The following CERT1 variants were observed in gnomAD, a reference collection of about 807,000 sequenced individuals.
CERT1 encodes ceramide transporter 1.
A neutral mutation model predicts 87.9 loss-of-function variants in CERT1; 31 were observed. The ratio of observed to expected loss-of-function variants is 0.35; its 90% confidence interval spans 0.27 to 0.48. The LOEUF (loss-of-function observed/expected upper bound fraction) is 0.48. CERT1 is among the 20% of genes least tolerant of loss of function. CERT1 has a pLI of 0.99. For missense variants in CERT1, 487 were observed against 758.0 expected (o/e 0.64, Z 4.20); for synonymous variants, 289 against 250.9 (o/e 1.15, Z -1.44).
In CERT1 at chr5:75,470,467, CACAA is replaced by C. The variant is rs371664295; in HGVS notation, c.232-11290_232-11287del. On this transcript the variant is annotated intron_variant, in intron 2 of 16. Transcript: ENST00000643780. ...ATGCAATGATCCAACAATGGTTCAA[CACAA>C]ACAAATCAATAAATGTGGTACATCA... 2.8e-4 allele frequency among the ~76,000 whole-genome samples: 42 copies of C among 152,176 alleles called. No homozygotes were observed. In the East Asian group the frequency reaches 5.2e-3, roughly 19 times the overall value.
chr5:75,460,396 A>G (rs4512110), intron 2 of CERT1, among the ~76,000 whole-genome samples: 26,516 of 152,188 alleles, frequency 0.17, 3,209 homozygotes, highest in African/African-American at 0.34. Flanking sequence ...TAAGATCTAC[A>G]TGAGCTATCT....
At chr5:75,380,925 C>G in intron 16 of CERT1, 147 bp downstream of exon 16, 1 of 783,996 alleles carries the variant, frequency 1.3e-6, no homozygotes, top group Non-Finnish European at 2.1e-6. Context: ...CAAAGATTCT[C>G]TAGTAATTCT....
chr5:75,501,207 G>A (rs1348722637), intron 2 of CERT1, among the ~76,000 whole-genome samples: 1 of 151,970 alleles, frequency 6.6e-6, no homozygotes, highest in Non-Finnish European at 1.5e-5. Flanking sequence ...ATTTTTCCAA[G>A]ATCTTTCAAC....
At chr5:75,425,296 T>C in intron 5 of CERT1, 65 bp downstream of exon 5, 3 of 1,485,102 alleles carry the variant, frequency 2.0e-6, no homozygotes, top group Admixed American at 1.9e-5. Context: ...CATTACCCTT[T>C]GAGATCAAGA....
intron 12 of CERT1, among the ~76,000 whole-genome samples, chr5:75,388,598 G>GCA (rs1761895930): frequency 1.9e-5 from 1 of 52,454 alleles, no homozygotes; most frequent in Non-Finnish European, 3.9e-5. Context: ...TAGCATGCAT[G>GCA]CATATATATA....
At chr5:75,472,683 A>G (rs1487960766) in intron 2 of CERT1, among the ~76,000 whole-genome samples, 1 of 152,216 alleles carries the variant, frequency 6.6e-6, no homozygotes, top group Non-Finnish European at 1.5e-5. Flanking sequence ...GTCATAAATC[A>G]TCAGGCAAAT....
At chr5:75,494,705 CT>C (rs1766976123) in intron 2 of CERT1, among the ~76,000 whole-genome samples, 1 of 151,998 alleles carries the variant, frequency 6.6e-6, no homozygotes, top group African/African-American at 2.4e-5. Context: ...GCTTCCCTAA[CT>C]GATAGTTTAG....
At chr5:75,474,601 T>TAG (rs1580822526) in intron 2 of CERT1, among the ~76,000 whole-genome samples, 1 of 152,074 alleles carries the variant, frequency 6.6e-6, no homozygotes, top group African/African-American at 2.4e-5. Flanking sequence ...CAGTGGATGA[T>TAG]AGTCTCATGT....
At chr5:75,429,951 T>C (rs1763800007) in intron 3 of CERT1, among the ~76,000 whole-genome samples, 1 of 149,868 alleles carries the variant, frequency 6.7e-6, no homozygotes, top group Non-Finnish European at 1.5e-5. Context: ...GGTACAACAG[T>C]AACAATCTCA....
chr5:75,490,913 T>C (rs758877207), intron 2 of CERT1, among the ~76,000 whole-genome samples: 3 of 152,204 alleles, frequency 2.0e-5, no homozygotes, highest in Admixed American at 6.5e-5. Context: ...ATTTTTCCCC[T>C]GGTTTTCACC....
chr5:75,500,994 GTT>G (rs533662687), intron 2 of CERT1, among the ~76,000 whole-genome samples: 1 of 136,922 alleles, frequency 7.3e-6, no homozygotes. Context: ...TGTTTTTTTT[GTT>G]TTTTTTTTTT....
intron 3 of CERT1, among the ~76,000 whole-genome samples, chr5:75,433,676 A>G (rs1763963939): frequency 1.3e-5 from 2 of 152,098 alleles, no homozygotes; most frequent in South Asian, 4.1e-4. Flanking sequence ...GCATGCCACT[A>G]CACCCAGGTA....
upstream of CERT1, chr5:75,511,919 G>A: frequency 8.3e-7 from 1 of 1,209,144 alleles, no homozygotes; most frequent in Non-Finnish European, 1.2e-6. Flanking sequence ...TAACGGGTGA[G>A]TATCCCGCGC....
intron 2 of CERT1, among the ~76,000 whole-genome samples, chr5:75,477,907 T>TA (rs1766042232): frequency 6.6e-6 from 1 of 152,156 alleles, no homozygotes; most frequent in African/African-American, 2.4e-5. Flanking sequence ...AAAGTTCATT[T>TA]AAAAATACAT....
chr5:75,406,886 G>A (rs945689876), intron 8 of CERT1, among the ~76,000 whole-genome samples: 12 of 152,066 alleles, frequency 7.9e-5, no homozygotes, highest in Non-Finnish European at 1.5e-4. Flanking sequence ...AGATTATAAA[G>A]TAATTTCTGA....
intron 3 of CERT1, among the ~76,000 whole-genome samples, chr5:75,447,595 C>T (rs560514512): frequency 2.6e-5 from 4 of 151,888 alleles, no homozygotes; most frequent in South Asian, 2.1e-4. Context: ...CTCAGCCTCC[C>T]GAGTAGCTGG....
At chr5:75,414,685 C>G (rs1204187983) in intron 7 of CERT1, among the ~76,000 whole-genome samples, 1 of 152,064 alleles carries the variant, frequency 6.6e-6, no homozygotes, top group South Asian at 2.1e-4. Flanking sequence ...ATCATCACTA[C>G]AAAATAGTAT....
chr5:75,447,595 C>A (rs560514512), intron 3 of CERT1, among the ~76,000 whole-genome samples: 1 of 151,770 alleles, frequency 6.6e-6, no homozygotes, highest in Non-Finnish European at 1.5e-5. Flanking sequence ...CTCAGCCTCC[C>A]GAGTAGCTGG....
At position 75,378,234 on chromosome 5, in the gene CERT1, A is replaced by G. The variant is rs950289361; in HGVS notation, c.*1112T>C. The G allele has an allele frequency of 1.3e-5, 2 of 152,310 alleles. No individual in the cohort carries two copies. The highest frequency in any genetic ancestry group is 4.8e-5 in the African/African-American group (2 of 41,448). 9.4% of individuals were successfully genotyped at this position (152,310 alleles called of 1,614,324 possible). ...AAGGAGTTCGAGACCAGCCTGGCCA[A>G]CATGGTGAAACCCTGCCTCTACTAA... On this transcript the variant is annotated 3_prime_UTR_variant, in exon 17 of 17. Transcript: ENST00000643780.
Sources: allele counts gnomAD v4.1 joint callset (sites outside exome capture counted in the v4.1 genomes callset), GRCh38; gene constraint gnomAD v4.1.1; transcripts MANE v1.5; gene names NCBI Gene and HGNC (gene_info 2026-07-23, HGNC 2026-07-21).